NBAS: variants seen among roughly 807,000 people sequenced by gnomAD.
NBAS encodes NAG/BC035112 fusion.
Under a neutral mutation model 302.5 loss-of-function variants are expected in NBAS, and 219 were observed. The ratio of observed to expected loss-of-function variants is 0.72; its 90% CI spans 0.65 to 0.81. The LOEUF (loss-of-function observed/expected upper bound fraction) is 0.81. NBAS is among the 30% of genes least tolerant of loss of function. The pLI is 0.00. For missense variants in NBAS, 2,932 were observed against 2,841.6 expected (o/e 1.03, Z -0.72); for synonymous variants, 1,118 against 1,021.6 (o/e 1.09, Z -1.80).
At chr2:15,258,994 C>T (rs1363655883) in intron 44 of NBAS, among the ~76,000 whole-genome samples, 3 of 152,144 alleles carry the variant, frequency 2.0e-5, no homozygotes, top group East Asian at 3.9e-4. Context: ...TCTCTTTGTA[C>T]TCTTTCTCTT....
At chr2:15,520,027 T>C (rs1238705231) in intron 9 of NBAS, among the ~76,000 whole-genome samples, 1 of 152,216 alleles carries the variant, frequency 6.6e-6, no homozygotes, top group East Asian at 1.9e-4. Flanking sequence ...CCCTGGCAAT[T>C]TGATAACTGG....
chr2:15,516,704 C>T (rs1572957081), intron 9 of NBAS, among the ~76,000 whole-genome samples: 1 of 140,364 alleles, frequency 7.1e-6, no homozygotes, highest in Non-Finnish European at 1.5e-5. Context: ...GCTTGGGCTA[C>T]AGAGTGAGAC....
the NBAS span, among the ~76,000 whole-genome samples, chr2:14,918,226 G>A: frequency 6.6e-6 from 1 of 151,084 alleles, no homozygotes; most frequent in African/African-American, 2.4e-5. Flanking sequence ...AGATTATCAA[G>A]TACGTACTCT....
the NBAS span, among the ~76,000 whole-genome samples, chr2:15,089,738 A>G: frequency 2.4e-4 from 32 of 134,978 alleles, no homozygotes; most frequent in Non-Finnish European, 4.1e-4. Context: ...CAATTGGGTC[A>G]GGACTTTTTT....
At chr2:15,364,323 G>A (rs1414547885) in intron 32 of NBAS, among the ~76,000 whole-genome samples, 3 of 152,162 alleles carry the variant, frequency 2.0e-5, no homozygotes, top group Non-Finnish European at 4.4e-5. Flanking sequence ...CCTGAAGTTA[G>A]GAGTTCCAGA....
downstream of NBAS, among the ~76,000 whole-genome samples, chr2:15,165,930 T>C (rs1664007523): frequency 6.6e-6 from 1 of 152,176 alleles, no homozygotes; most frequent in Non-Finnish European, 1.5e-5. Flanking sequence ...GGGGCAGAGG[T>C]AAAAGACCAG....
intron 35 of NBAS, among the ~76,000 whole-genome samples, chr2:15,340,294 C>T (rs192196712): frequency 1.3e-5 from 2 of 152,184 alleles, no homozygotes; most frequent in East Asian, 1.9e-4. Flanking sequence ...AATTCTGAGT[C>T]CACTGTGAAA....
chr2:15,411,987 A>G (rs1676710057), intron 25 of NBAS, among the ~76,000 whole-genome samples: 1 of 152,148 alleles, frequency 6.6e-6, no homozygotes, highest in Non-Finnish European at 1.5e-5. Context: ...GAATCCAAGC[A>G]AAGAACAATG....
chr2:15,293,670 C>CTGTGTG (rs1670421802), intron 40 of NBAS, among the ~76,000 whole-genome samples: 2 of 151,900 alleles, frequency 1.3e-5, no homozygotes, highest in African/African-American at 4.8e-5. Flanking sequence ...AAGAATCTAC[C>CTGTGTG]TTTGGTTCTC....
rs116286714 is a variant in NBAS at position 15,470,308 on chromosome 2, C to G, written c.1726-1775G>C. On this transcript the variant is annotated intron_variant, in intron 16 of 51. Coordinates refer to ENST00000281513, the MANE Select transcript of NBAS (RefSeq NM_015909.4). ...CTCTGCTTCCACAGTCAGAAATCCA[C>G]AACAGTAGATAAATGCCTAAGTCAT... is the stretch of plus-strand genomic sequence containing the variant. Among the ~76,000 whole-genome samples the G allele has an allele frequency of 3.2e-3, 494 of 152,306 alleles. 6 individuals are homozygous for G. The highest frequency in any genetic ancestry group is 0.011 in the African/African-American group (461 of 41,562).
chr2:14,978,988 T>G, the NBAS span, among the ~76,000 whole-genome samples: 1 of 152,328 alleles, frequency 6.6e-6, no homozygotes, highest in Admixed American at 6.5e-5. Flanking sequence ...TGGAGAGCTA[T>G]TTTCTGCTGA....
chr2:15,417,639 TTG>T lies in NBAS; in HGVS notation c.2649_2650del (p.Asp883GlufsTer11). 6.2e-7 allele frequency: 1 copy of T among 1,613,982 alleles called. No homozygotes were observed. Among genetic ancestry groups the T allele is most frequent in the African/African-American group, 1.3e-5 (1 of 75,018 alleles). On this transcript the variant is annotated frameshift_variant, in exon 24 of 52. Coordinates refer to ENST00000281513, the MANE Select transcript of NBAS (RefSeq NM_015909.4). LOFTEE classifies it high-confidence loss of function. ...AACCAATGTTTCCAGAGTAACCAAA[TTG>T]TCACAGAGAACCAGCAAACCAGGAA... is the stretch of plus-strand genomic sequence containing the variant.
At chr2:15,223,362 G>C (rs1355102932) in intron 47 of NBAS, among the ~76,000 whole-genome samples, 1 of 151,706 alleles carries the variant, frequency 6.6e-6, no homozygotes, top group African/African-American at 2.4e-5. Context: ...TTTTTCTAAG[G>C]GTTTTAAATT....
the NBAS span, among the ~76,000 whole-genome samples, chr2:15,062,579 A>G: frequency 6.6e-6 from 1 of 152,214 alleles, no homozygotes; most frequent in Admixed American, 6.5e-5. Flanking sequence ...AAAAAGAGGA[A>G]CCAGCATATT....
At chr2:14,902,254 C>T in the NBAS span, among the ~76,000 whole-genome samples, 1 of 152,160 alleles carries the variant, frequency 6.6e-6, no homozygotes, top group East Asian at 1.9e-4. Flanking sequence ...GCGTCAGCCT[C>T]CCAAGTAGCT....
At chr2:15,512,729 C>A (rs1662205412) in intron 9 of NBAS, among the ~76,000 whole-genome samples, 1 of 152,076 alleles carries the variant, frequency 6.6e-6, no homozygotes, top group Non-Finnish European at 1.5e-5. Context: ...CCGGAAAAGG[C>A]AACAAAATAG....
chr2:15,416,370 T>C (rs77620572), intron 24 of NBAS, among the ~76,000 whole-genome samples: 2,061 of 152,302 alleles, frequency 0.014, 33 homozygotes, highest in East Asian at 0.06. Flanking sequence ...TACACAATCG[T>C]TTCTCTTAAT....
the NBAS span, among the ~76,000 whole-genome samples, chr2:15,096,906 G>A: frequency 6.6e-6 from 1 of 152,224 alleles, no homozygotes; most frequent in Non-Finnish European, 1.5e-5. Flanking sequence ...ATGCAAGAGA[G>A]GAAACAGGAG....
intron 44 of NBAS, among the ~76,000 whole-genome samples, chr2:15,269,723 A>T (rs1252470464): frequency 6.6e-6 from 1 of 152,224 alleles, no homozygotes; most frequent in African/African-American, 2.4e-5. Flanking sequence ...ATGCAATTAT[A>T]TTACAAAATC....
Sources: allele counts gnomAD v4.1 joint callset (sites outside exome capture counted in the v4.1 genomes callset), GRCh38; gene constraint gnomAD v4.1.1; transcripts MANE v1.5; gene names NCBI Gene and HGNC (gene_info 2026-07-23, HGNC 2026-07-21).